The following RAB4B variants were observed in gnomAD, a reference collection of about 807,000 sequenced individuals.
The protein encoded by RAB4B is ras-related protein Rab-4B.
Under a neutral mutation model 28.3 loss-of-function variants are expected in RAB4B, and 15 were observed. The observed-to-expected ratio is 0.53, with a 90% confidence interval of 0.35 to 0.82. RAB4B has a LOEUF of 0.82. RAB4B is among the 40% of genes least tolerant of loss of function. The probability of loss-of-function intolerance (pLI) is 0.01; values close to 1 mark genes in which losing one functional copy is unlikely to be tolerated. For synonymous variants in RAB4B, 108 were observed against 116.3 expected, an observed-to-expected ratio of 0.93 and a Z score of 0.46; for missense variants, 244 against 288.5, an observed-to-expected ratio of 0.85 and a Z score of 1.12.
In RAB4B at chr19:40,786,912, T is replaced by G; in HGVS notation, c.591T>G (p.Leu197=). ...IQYGDASLRQ[L]RQPRSAQAVA... is the part of the protein sequence containing the mutation. The stretch of plus-strand genomic sequence containing the variant: ...ACGGGGATGCGTCCCTCCGCCAGCT[T>G]CGGCAGCCTCGGAGTGCCCAGGCCG... The change falls in exon 7 of 8, where the codon CTT becomes CTG. Residue 197 remains leucine, a synonymous_variant. Coordinates refer to ENST00000357052, the MANE Select transcript of RAB4B (RefSeq NM_016154.5). The G allele has an allele frequency of 6.2e-7, 1 of 1,613,978 alleles. No individual in the cohort carries two copies. Among genetic ancestry groups the G allele is most frequent in the Non-Finnish European group, 8.5e-7 (1 of 1,179,942 alleles).
intron 7 of RAB4B, among the ~76,000 whole-genome samples, chr19:40,794,018 A>T (rs2083185140): frequency 1.3e-5 from 2 of 151,534 alleles, no homozygotes; most frequent in South Asian, 4.2e-4. Flanking sequence ...CAAAGTGCTA[A>T]GATTACAGGC....
chr19:40,794,970 A>G (rs2083194753), intron 7 of RAB4B, among the ~76,000 whole-genome samples: 1 of 140,314 alleles, frequency 7.1e-6, no homozygotes, highest in South Asian at 2.2e-4. Flanking sequence ...CTGTAGATCA[A>G]GTGAAACCCC....
Position 40,783,795 on chromosome 19 carries a change from A to G in RAB4B, c.230A>G (p.Tyr77Cys). 7.2e-7 allele frequency: 1 copy of G among 1,398,482 alleles called. No individual in the cohort carries two copies. Among genetic ancestry groups the G allele is most frequent in the Non-Finnish European group, 9.5e-7 (1 of 1,048,402 alleles). The allele number at this position is 1,398,482 out of a possible 1,614,324, so 86.6% of individuals were successfully genotyped here. A position where few individuals can be genotyped will look rare whatever the true frequency, so the allele number is the denominator to read the frequency against. ...QERFRSVTRS[Y>C]YRGAAGALLV... ...CCCCACAGGTCAGTGACGCGGAGTT[A>G]TTACCGAGGGGCGGCTGGAGCCCTG... Residue 77 changes from tyrosine (Y) to cysteine (C), a missense_variant, in exon 4 of 8, where the codon TAT becomes TGT. Physicochemically the swap from Tyr to Cys is radical, Grantham distance 194. Transcript: ENST00000357052.
chr19:40,781,836 A>G (rs922290970), intron 3 of RAB4B, among the ~76,000 whole-genome samples: 1 of 152,052 alleles, frequency 6.6e-6, no homozygotes. Context: ...CCTGGCTAAC[A>G]TGGTGAAACC....
chr19:40,795,138 C>T (rs1247089198), intron 7 of RAB4B, among the ~76,000 whole-genome samples: 2 of 138,470 alleles, frequency 1.4e-5, no homozygotes, highest in African/African-American at 5.4e-5. Context: ...CACTGCACTT[C>T]AGCCCAGGCA....
chr19:40,786,775 G>A lies in RAB4B; in HGVS notation c.526+15G>A, dbSNP rs374592441. 1.0e-3 allele frequency: 1,669 copies of A among 1,614,102 alleles called. 1 individual carries two copies. Among genetic ancestry groups the A allele is most frequent in the Non-Finnish European group, 1.3e-3 (1,588 of 1,179,994 alleles). ...GATTGACTCAGGTGAGGCCCCGACC[G>A]GCCCGAGTGGGAGCGAAGGGCAGGC... On this transcript the variant is annotated intron_variant, in intron 6 of 7. Coordinates refer to ENST00000357052, the MANE Select transcript of RAB4B (RefSeq NM_016154.5).
chr19:40,786,414 C>G (rs2083099753), intron 5 of RAB4B: 1 of 476,932 alleles, frequency 2.1e-6, no homozygotes, highest in Non-Finnish European at 3.8e-6. Context: ...TAAGTCGGTA[C>G]CTGACTCAGC....
At chr19:40,793,953 AC>A (rs1397030336) in intron 7 of RAB4B, among the ~76,000 whole-genome samples, 2 of 151,244 alleles carry the variant, frequency 1.3e-5, no homozygotes, top group Non-Finnish European at 2.9e-5. Flanking sequence ...AACCAAAAAA[AC>A]CAAAACAAAA....
At chr19:40,786,418 A>G (rs2083099781) in intron 5 of RAB4B, 1 of 489,226 alleles carries the variant, frequency 2.0e-6, no homozygotes, top group Non-Finnish European at 3.7e-6. Flanking sequence ...TCGGTACCTG[A>G]CTCAGCCCAG....
At chr19:40,787,720 G>A (rs1420011696) in intron 7 of RAB4B, among the ~76,000 whole-genome samples, 1 of 150,394 alleles carries the variant, frequency 6.6e-6, no homozygotes, top group Non-Finnish European at 1.5e-5. Context: ...CAGGCAGAGG[G>A]GTTGCATTTG....
intron 7 of RAB4B, among the ~76,000 whole-genome samples, chr19:40,787,474 G>A (rs922468297): frequency 6.6e-6 from 1 of 151,878 alleles, no homozygotes; most frequent in Non-Finnish European, 1.5e-5. Flanking sequence ...GGTGGAGGTT[G>A]CAGTGAGCTG....
At chr19:40,792,517 T>C (rs759123798) in intron 7 of RAB4B, 3 of 152,232 alleles carry the variant, frequency 2.0e-5, no homozygotes, top group Non-Finnish European at 4.4e-5. Context: ...GCAAGGCTTT[T>C]TCACACTTTG....
At chr19:40,782,769 C>A (rs373498035) in intron 3 of RAB4B, among the ~76,000 whole-genome samples, 1 of 151,514 alleles carries the variant, frequency 6.6e-6, no homozygotes, top group Non-Finnish European at 1.5e-5. Flanking sequence ...GCCAAGATCA[C>A]GCCACTGCAC....
chr19:40,789,587 T>C (rs1317693686), intron 7 of RAB4B, among the ~76,000 whole-genome samples: 1 of 144,428 alleles, frequency 6.9e-6, no homozygotes, highest in Non-Finnish European at 1.5e-5. Flanking sequence ...CACTGCAACC[T>C]CTGCCTCCTG....
At chr19:40,784,164 C>T in intron 5 of RAB4B, 89 bp downstream of exon 5, 1 of 1,450,214 alleles carries the variant, frequency 6.9e-7, no homozygotes, top group Non-Finnish European at 9.2e-7. Flanking sequence ...CTGTACCCAG[C>T]AGGGGAACGT....
chr19:40,784,841 T>A (rs745722924), intron 5 of RAB4B, among the ~76,000 whole-genome samples: 36 of 138,352 alleles, frequency 2.6e-4, no homozygotes, highest in Non-Finnish European at 4.9e-4. Context: ...TGAAAGGCAC[T>A]TTTTTTTTTT....
In RAB4B at chr19:40,782,818, GTCAA is replaced by G. The variant is rs34532358; in HGVS notation, c.213-938_213-935del. On this transcript the variant is annotated intron_variant, in intron 3 of 7. Transcript: ENST00000357052. ...ACAGAGCAAAACTCCATCTCAATCA[GTCAA>G]TCAATCAATCAATCAATCAATAAAA... is the stretch of plus-strand genomic sequence containing the variant. Among the ~76,000 whole-genome samples, 437 of 146,160 alleles carry G rather than the reference GTCAA, an allele frequency of 3.0e-3. 4 individuals are homozygous for G. The highest frequency in any genetic ancestry group is 0.011 in the African/African-American group (412 of 39,192).
In RAB4B at chr19:40,786,709, G is replaced by T. The variant is rs1221431706; in HGVS notation, c.475G>T (p.Glu159Ter). ...CAGCGCTCTCACAGGCGAGAACGTG[G>T]AGGAGGCGTTCCTCAAGTGTGCCCG... ...ETSALTGENV[E>*]EAFLKCARTI... The change falls in exon 6 of 8, where the codon GAG (glutamate) becomes TAG (stop). Residue 159 changes from glutamate to a stop codon, truncating the protein, a stop_gained. Coordinates refer to ENST00000357052, the MANE Select transcript of RAB4B (RefSeq NM_016154.5). LOFTEE classifies it high-confidence loss of function. The T allele has an allele frequency of 1.9e-6, 3 of 1,613,998 alleles. No homozygotes were observed. Among genetic ancestry groups the T allele is most frequent in the Non-Finnish European group, 2.5e-6 (3 of 1,179,998 alleles).
intron 5 of RAB4B, among the ~76,000 whole-genome samples, chr19:40,784,977 G>A (rs1022065439): frequency 1.3e-5 from 2 of 151,814 alleles, no homozygotes; most frequent in Admixed American, 1.3e-4. Flanking sequence ...ACAACGCCTG[G>A]CTAATTTTTA....
Sources: gnomAD v4.1 joint callset for allele counts (sites outside exome capture counted in the v4.1 genomes callset) on GRCh38, gnomAD v4.1.1 for gene constraint, MANE v1.5 for transcripts, NCBI Gene and HGNC (gene_info 2026-07-23, HGNC 2026-07-21) for gene names.